The following PRICKLE2 variants were observed in gnomAD, a reference collection of about 807,000 sequenced individuals.
PRICKLE2 encodes prickle planar cell polarity protein 2.
PRICKLE2 carries 21 observed loss-of-function variants against 81.4 expected under a neutral mutation model. The observed-to-expected ratio is 0.26, with a 90% confidence interval of 0.18 to 0.37. The LOEUF is 0.37. PRICKLE2 is among the 10% of genes least tolerant of loss of function. The pLI is 1.00. For synonymous variants in PRICKLE2, 456 were observed against 421.5 expected (o/e 1.08, Z -1.00); for missense variants, 940 against 1,109.0 (o/e 0.85, Z 2.16).
At chr3:64,145,319 A>G (rs1316844284) in intron 7 of PRICKLE2, 3 of 142,360 alleles carry the variant, frequency 2.1e-5, no homozygotes, top group Non-Finnish European at 3.1e-5. Flanking sequence ...ATATATTTAT[A>G]TATTATATAT....
At chr3:64,156,385 G>T (rs1447060012) in intron 5 of PRICKLE2, among the ~76,000 whole-genome samples, 1 of 152,194 alleles carries the variant, frequency 6.6e-6, no homozygotes, top group Non-Finnish European at 1.5e-5. Context: ...TACAGAGAAA[G>T]ATAGATGCAA....
At chr3:64,118,722 CA>C (rs35091419) in intron 7 of PRICKLE2, among the ~76,000 whole-genome samples, 79,390 of 151,374 alleles carry the variant, frequency 0.52, 21,146 homozygotes, top group South Asian at 0.62. Flanking sequence ...CTTAAAAAGG[CA>C]AAAAAAATAT....
chr3:64,173,023 CA>C (rs558393781), intron 2 of PRICKLE2, among the ~76,000 whole-genome samples: 145 of 152,258 alleles, frequency 9.5e-4, no homozygotes, highest in Admixed American at 1.8e-3. Flanking sequence ...CTGTGATACG[CA>C]AGTGTAAGGA....
At chr3:64,130,527 G>T (rs1458202807) in intron 7 of PRICKLE2, among the ~76,000 whole-genome samples, 2 of 152,168 alleles carry the variant, frequency 1.3e-5, no homozygotes, top group Non-Finnish European at 2.9e-5. Flanking sequence ...GTTACTAGAA[G>T]AGAGCATTTT....
intron 7 of PRICKLE2, chr3:64,103,328 GT>G (rs2076699042): frequency 6.6e-6 from 1 of 152,180 alleles, no homozygotes; most frequent in South Asian, 2.1e-4. Context: ...ACTGTCAACA[GT>G]CTCAGAAGAA....
At chr3:64,105,167 A>G (rs2076735390) in intron 7 of PRICKLE2, among the ~76,000 whole-genome samples, 1 of 152,134 alleles carries the variant, frequency 6.6e-6, no homozygotes, top group Non-Finnish European at 1.5e-5. Flanking sequence ...CTGTTTGTTA[A>G]AGTCCTCGTG....
intron 6 of PRICKLE2, among the ~76,000 whole-genome samples, 183 bp downstream of exon 6, chr3:64,152,999 C>CCCT (rs1222631824): frequency 6.6e-6 from 1 of 152,164 alleles, no homozygotes; most frequent in Non-Finnish European, 1.5e-5. Context: ...CTTGATCCAC[C>CCCT]CCTATCTGAA....
intron 2 of PRICKLE2, among the ~76,000 whole-genome samples, chr3:64,246,344 G>A (rs2079353091): frequency 6.6e-6 from 1 of 152,160 alleles, no homozygotes; most frequent in African/African-American, 2.4e-5. Flanking sequence ...TCTTGACGAT[G>A]CTATTAAAAA....
At chr3:64,182,962 T>C (rs1331045057) in intron 2 of PRICKLE2, among the ~76,000 whole-genome samples, 1 of 152,082 alleles carries the variant, frequency 6.6e-6, no homozygotes, top group Non-Finnish European at 1.5e-5. Context: ...GTGGTAGGAA[T>C]GATTATATAA....
At chr3:64,246,066 A>G (rs1295189623) in intron 2 of PRICKLE2, among the ~76,000 whole-genome samples, 2 of 152,096 alleles carry the variant, frequency 1.3e-5, no homozygotes, top group Admixed American at 6.5e-5. Flanking sequence ...CCAACATGGC[A>G]AAACCCCTCT....
At chr3:64,256,362 C>G (rs968201505) in intron 2 of PRICKLE2, among the ~76,000 whole-genome samples, 1 of 152,132 alleles carries the variant, frequency 6.6e-6, no homozygotes, top group East Asian at 1.9e-4. Flanking sequence ...AAAGGTTATA[C>G]TCAATTATTA....
At chr3:64,120,108 T>C (rs761841532) in intron 7 of PRICKLE2, among the ~76,000 whole-genome samples, 3 of 152,168 alleles carry the variant, frequency 2.0e-5, no homozygotes, top group Non-Finnish European at 4.4e-5. Context: ...TTGGGTACTA[T>C]GCTCAGTACC....
In PRICKLE2 at chr3:64,093,948, G is replaced by A. The variant is rs1244178663; in HGVS notation, c.*5103C>T. On this transcript the variant is annotated 3_prime_UTR_variant, in exon 8 of 8. Coordinates refer to ENST00000638394, the MANE Select transcript of PRICKLE2 (RefSeq NM_198859.4). ...ACATCATATCCATTTTACAGGGCAC[G>A]GATCTCAAGCAAAGTGTTCAGAACA... 1 of 152,534 alleles carries A rather than the reference G, an allele frequency of 6.6e-6. No individual in the cohort carries two copies. Among genetic ancestry groups the A allele is most frequent in the Non-Finnish European group, 1.5e-5 (1 of 68,022 alleles). The allele number at this position is 152,534 out of a possible 1,614,324, so 9.4% of individuals were successfully genotyped here. A position where few individuals can be genotyped will look rare whatever the true frequency, so the allele number is the denominator to read the frequency against.
Position 64,093,797 on chromosome 3 carries a change from T to C in PRICKLE2, c.*5254A>G, listed in dbSNP as rs2076533626. On this transcript the variant is annotated 3_prime_UTR_variant, in exon 8 of 8. Coordinates refer to ENST00000638394, the MANE Select transcript of PRICKLE2 (RefSeq NM_198859.4). ...TACCTGTGTCCTTTCTTTTCTTTGT[T>C]GAAATGCTCAAAGGCAGAGACCACC... is the stretch of plus-strand genomic sequence containing the variant. 2.6e-5 allele frequency: 4 copies of C among 152,248 alleles called. No homozygotes were observed. The highest frequency in any genetic ancestry group is 9.6e-5 in the African/African-American group (4 of 41,468). 9.4% of individuals were successfully genotyped at this position (152,248 alleles called of 1,614,324 possible).
chr3:64,251,223 T>G (rs990604301), intron 2 of PRICKLE2, among the ~76,000 whole-genome samples: 40 of 152,308 alleles, frequency 2.6e-4, no homozygotes, highest in African/African-American at 9.4e-4. Context: ...GCTTAGGAAT[T>G]TGAAACATTT....
intron 1 of PRICKLE2, among the ~76,000 whole-genome samples, chr3:64,203,460 C>T (rs1158272018): frequency 1.3e-5 from 2 of 152,150 alleles, no homozygotes; most frequent in Non-Finnish European, 2.9e-5. Flanking sequence ...CATACTTGAA[C>T]ATCAAAATGT....
chr3:64,250,978 T>G (rs1290210722), intron 2 of PRICKLE2, among the ~76,000 whole-genome samples: 1 of 152,206 alleles, frequency 6.6e-6, no homozygotes, highest in Non-Finnish European at 1.5e-5. Context: ...AACATAGTAG[T>G]CACCATCTGA....
intron 2 of PRICKLE2, among the ~76,000 whole-genome samples, chr3:64,248,692 C>A (rs1427736372): frequency 6.6e-6 from 1 of 151,864 alleles, no homozygotes; most frequent in Non-Finnish European, 1.5e-5. Flanking sequence ...TTACTTCCCT[C>A]CCCATCCCAT....
chr3:64,188,843 A>G (rs1444540000), intron 2 of PRICKLE2, among the ~76,000 whole-genome samples: 1 of 152,182 alleles, frequency 6.6e-6, no homozygotes, highest in African/African-American at 2.4e-5. Context: ...TGTACAATCC[A>G]TGAAGCCTAT....
Sources: allele counts gnomAD v4.1 joint callset (sites outside exome capture counted in the v4.1 genomes callset), GRCh38; gene constraint gnomAD v4.1.1; transcripts MANE v1.5; gene names NCBI Gene and HGNC (gene_info 2026-07-23, HGNC 2026-07-21).